JAKMIP1: variants seen among roughly 807,000 people sequenced by gnomAD.
The protein encoded by JAKMIP1 is janus kinase and microtubule-interacting protein 1.
JAKMIP1 carries 33 observed loss-of-function variants against 113.0 expected under a neutral mutation model. The ratio of observed to expected loss-of-function variants is 0.29; its 90% CI spans 0.22 to 0.39. The LOEUF (loss-of-function observed/expected upper bound fraction) is 0.39, where lower values mean the gene tolerates loss of function less well. Among genes scored for constraint, JAKMIP1 ranks in the 10% least tolerant of loss-of-function variants. JAKMIP1 has a pLI of 1.00. For synonymous variants in JAKMIP1, 480 were observed against 459.9 expected (o/e 1.04, Z -0.56); for missense variants, 813 against 1,080.5 (o/e 0.75, Z 3.47).
At chr4:6,036,206 G>A (rs569265289) in intron 18 of JAKMIP1, 99 bp from the exon 19 acceptor site, 27 of 982,356 alleles carry the variant, frequency 2.7e-5, no homozygotes, top group South Asian at 6.7e-5. Context: ...AGGGAGGGGG[G>A]TTTCGGGCAG....
Position 6,065,987 on chromosome 4 carries a change from C to CT in JAKMIP1, c.1303-980dup, listed in dbSNP as rs1298112176. Among the ~76,000 whole-genome samples, 1 of 152,128 alleles carries CT rather than the reference C, an allele frequency of 6.6e-6. No individual in the cohort carries two copies. The highest frequency in any genetic ancestry group is 1.5e-5 in the Non-Finnish European group (1 of 68,026). ...AATGTCTCTTATTTTAGGAACATAG[C>CT]TTTTTTGGGTTTTTTTTTCCCAAAC... On this transcript the variant is annotated intron_variant, in intron 8 of 20. Coordinates refer to ENST00000409021, the MANE Select transcript of JAKMIP1 (RefSeq NM_001099433.2). This position sits in a 1 kb window ranked among gnomAD's most constrained non-coding sequence, Gnocchi z 5.1.
rs1355381368 is a variant in JAKMIP1, at chr4:6,086,695, C to T, written c.625-1066G>A. Among the ~76,000 whole-genome samples, 3 of 152,116 alleles carry T rather than the reference C, an allele frequency of 2.0e-5. No individual in the cohort carries two copies. The highest frequency in any genetic ancestry group is 4.4e-5 in the Non-Finnish European group (3 of 68,040). ...GCAGGCCCCCAAGACCCATGGCCTTCCTGGAACTTCAGAATGGGACCTTAT... is the reference window on the plus strand; with the variant it reads ...GCAGGCCCCCAAGACCCATGGCCTTTCTGGAACTTCAGAATGGGACCTTAT... On this transcript the variant is annotated intron_variant, in intron 3 of 20. Transcript: ENST00000409021. This position sits in a 1 kb window ranked among gnomAD's most constrained non-coding sequence, Gnocchi z 4.1.
chr4:6,094,161 G>C lies in JAKMIP1; in HGVS notation c.625-8532C>G, dbSNP rs755888113. 1.6e-4 allele frequency among the ~76,000 whole-genome samples: 25 copies of C among 152,172 alleles called. No individual in the cohort carries two copies. The highest frequency in any genetic ancestry group is 2.9e-4 in the Non-Finnish European group (20 of 68,022). On this transcript the variant is annotated intron_variant, in intron 3 of 20. Transcript: ENST00000409021. The surrounding 1 kb of genome is among the most constrained non-coding windows in gnomAD (Gnocchi z 4.2). ...AACACATGCCACTGTCAGTTCATGA[G>C]TTTTAAAAACAACCATTATGGTTTT...
intron 1 of JAKMIP1, among the ~76,000 whole-genome samples, chr4:6,114,564 C>T (rs1715452780): frequency 6.6e-6 from 1 of 152,200 alleles, no homozygotes; most frequent in African/African-American, 2.4e-5. Context: ...CTGGGACATC[C>T]CTCCAAGCTA....
intron 1 of JAKMIP1, among the ~76,000 whole-genome samples, chr4:6,170,540 C>CTA: frequency 6.6e-6 from 1 of 150,824 alleles, no homozygotes; most frequent in East Asian, 2.0e-4. Context: ...ACCACCACCA[C>CTA]CACCTCCATC....
At chr4:6,027,144 T>A (rs1331391463) in intron 20 of JAKMIP1, among the ~76,000 whole-genome samples, 1 of 152,160 alleles carries the variant, frequency 6.6e-6, no homozygotes, top group African/African-American at 2.4e-5. Context: ...AAGTAGAATT[T>A]TTTTCTTACC....
At chr4:6,119,265 C>T (rs111620038) in intron 1 of JAKMIP1, among the ~76,000 whole-genome samples, 34 of 150,658 alleles carry the variant, frequency 2.3e-4, no homozygotes, top group African/African-American at 7.6e-4. Flanking sequence ...CTCCTGGGGC[C>T]GGGCGCGGTG....
At position 6,137,754 on chromosome 4, in the gene JAKMIP1, C is replaced by G. The variant is rs911503964; in HGVS notation, c.-147-24757G>C. Among the ~76,000 whole-genome samples, 3 of 152,260 alleles carry G rather than the reference C, an allele frequency of 2.0e-5. No individual in the cohort carries two copies. The highest frequency in any genetic ancestry group is 7.2e-5 in the African/African-American group (3 of 41,472). ...TCCATCATTCATTCAATTCATCAGT[C>G]CTTCAATCACACAGGCCTGACCTGA... On this transcript the variant is annotated intron_variant, in intron 1 of 20. Coordinates refer to ENST00000409021, the MANE Select transcript of JAKMIP1 (RefSeq NM_001099433.2). This position sits in a 1 kb window ranked among gnomAD's most constrained non-coding sequence, Gnocchi z 4.5.
At chr4:6,043,059 T>C (rs573390178) in intron 16 of JAKMIP1, among the ~76,000 whole-genome samples, 4 of 151,970 alleles carry the variant, frequency 2.6e-5, no homozygotes, top group African/African-American at 9.6e-5. Context: ...CAGCACAGGG[T>C]GGCTGCCCTG....
At chr4:6,110,401 A>G (rs767082620) in intron 2 of JAKMIP1, among the ~76,000 whole-genome samples, 2 of 151,354 alleles carry the variant, frequency 1.3e-5, no homozygotes, top group Non-Finnish European at 2.9e-5. Context: ...TGAGACAGCA[A>G]TCGTCTGTTG....
At chr4:6,034,917 T>G (rs540103863) in intron 19 of JAKMIP1, among the ~76,000 whole-genome samples, 63 of 152,314 alleles carry the variant, frequency 4.1e-4, no homozygotes, top group African/African-American at 1.4e-3. Context: ...TGTGTGTGTG[T>G]GGTTCATTCA....
Position 6,086,518 on chromosome 4 carries a change from G to A in JAKMIP1, c.625-889C>T, listed in dbSNP as rs1487747822. Among the ~76,000 whole-genome samples the A allele has an allele frequency of 6.6e-6, 1 of 151,936 alleles. No individual in the cohort carries two copies. The highest frequency in any genetic ancestry group is 1.5e-5 in the Non-Finnish European group (1 of 68,004). On this transcript the variant is annotated intron_variant, in intron 3 of 20. Transcript: ENST00000409021. The surrounding 1 kb of genome is among the most constrained non-coding windows in gnomAD (Gnocchi z 4.1). Reference sequence around the variant, plus strand: ...CCTGTCTTGTCCAGCCTTCCTATGGGGGAGTGTCAGAAAGGACACAGGCTC... The same window carrying A: ...CCTGTCTTGTCCAGCCTTCCTATGGAGGAGTGTCAGAAAGGACACAGGCTC...
rs147951670 is a variant in JAKMIP1, at chr4:6,173,907, C to T, written c.-148+26346G>A. Among the ~76,000 whole-genome samples, 483 of 152,152 alleles carry T rather than the reference C, an allele frequency of 3.2e-3. 1 individual carries two copies. Among genetic ancestry groups the T allele is most frequent in the African/African-American group, 0.011 (457 of 41,514 alleles). On this transcript the variant is annotated intron_variant, in intron 1 of 20. Coordinates refer to ENST00000409021, the MANE Select transcript of JAKMIP1 (RefSeq NM_001099433.2). ...CCTGGCGAACATGGTGAAACCTCAT[C>T]TCTACTAAAAATACAAAAAAAAAAT...
Position 6,142,905 on chromosome 4 carries a change from C to G in JAKMIP1, c.-147-29908G>C, listed in dbSNP as rs1720362811. 6.6e-6 allele frequency among the ~76,000 whole-genome samples: 1 copy of G among 152,216 alleles called. No homozygotes were observed. The highest frequency in any genetic ancestry group is 2.1e-4 in the South Asian group (1 of 4,826). Reference sequence around the variant, plus strand: ...ATGGCCGGCAATGACAAAGCCCAGCCTGGAGTCCTGAGGCCCCTCAGTCCA... The same window carrying G: ...ATGGCCGGCAATGACAAAGCCCAGCGTGGAGTCCTGAGGCCCCTCAGTCCA... On this transcript the variant is annotated intron_variant, in intron 1 of 20. Coordinates refer to ENST00000409021, the MANE Select transcript of JAKMIP1 (RefSeq NM_001099433.2). This position sits in a 1 kb window ranked among gnomAD's most constrained non-coding sequence, Gnocchi z 5.5.
At chr4:6,149,572 G>T (rs1460987498) in intron 1 of JAKMIP1, among the ~76,000 whole-genome samples, 2 of 152,192 alleles carry the variant, frequency 1.3e-5, no homozygotes, top group African/African-American at 4.8e-5. Flanking sequence ...AAGATAGAAA[G>T]GATGTCCATT....
At chr4:6,062,496 G>T (rs1246237775) in intron 9 of JAKMIP1, 56 bp from the exon 10 acceptor site, 33 of 1,531,232 alleles carry the variant, frequency 2.2e-5, no homozygotes, top group Non-Finnish European at 2.8e-5. Context: ...AATAATAAAT[G>T]ATTTATGATT....
At chr4:6,029,439 C>T (rs996175921) in intron 20 of JAKMIP1, among the ~76,000 whole-genome samples, 1 of 152,178 alleles carries the variant, frequency 6.6e-6, no homozygotes. Flanking sequence ...AGTGAGACAG[C>T]AGGGGAGGGA....
At chr4:6,096,063 C>T (rs1450748580) in intron 3 of JAKMIP1, among the ~76,000 whole-genome samples, 1 of 152,178 alleles carries the variant, frequency 6.6e-6, no homozygotes, top group East Asian at 1.9e-4. Flanking sequence ...TGAGAAAGAA[C>T]CAGCGGTGCA....
chr4:6,056,887 G>T, intron 11 of JAKMIP1, 128 bp from the exon 12 acceptor site: 4 of 683,584 alleles, frequency 5.9e-6, no homozygotes, highest in Non-Finnish European at 5.3e-6. Flanking sequence ...TGACAGCCGT[G>T]ATGTGCCCTC....
Sources: allele counts gnomAD v4.1 joint callset (sites outside exome capture counted in the v4.1 genomes callset), GRCh38; gene constraint gnomAD v4.1.1; non-coding constraint Gnocchi (gnomAD v3.1); transcripts MANE v1.5; gene names NCBI Gene and HGNC (gene_info 2026-07-23, HGNC 2026-07-21).